FAAH2: variants seen among roughly 807,000 people sequenced by gnomAD.
FAAH2 encodes the protein fatty-acid amide hydrolase 2.
A neutral mutation model predicts 36.9 loss-of-function variants in FAAH2; 60 were observed. The observed-to-expected ratio is 1.63, with a 90% CI of 1.32 to 2.02. FAAH2 has a LOEUF of 2.02. FAAH2 is among the 30% of genes most tolerant of loss of function. The probability of loss-of-function intolerance (pLI) is 0.00; values close to 1 mark genes in which losing one functional copy is unlikely to be tolerated. For synonymous variants in FAAH2, 214 were observed against 143.8 expected, an observed-to-expected ratio of 1.49 and a Z score of -3.49; for missense variants, 689 against 397.5, an observed-to-expected ratio of 1.73 and a Z score of -6.23.
At chrX:57,411,337 C>T (rs1043037808) in intron 7 of FAAH2, among the ~76,000 whole-genome samples, 1 of 111,762 alleles carries the variant, frequency 8.9e-6, no homozygotes, top group Non-Finnish European at 1.9e-5. Flanking sequence ...TGTTAAGATT[C>T]TGACCTGATT....
intron 5 of FAAH2, among the ~76,000 whole-genome samples, chrX:57,353,487 T>TAAAAAAAAAAAAAAAAAAAAAAAA (rs3035714): frequency 1.2e-5 from 1 of 83,833 alleles, no homozygotes; most frequent in African/African-American, 4.3e-5. Context: ...CCCAAATTAT[T>TAAAAAAAAAAAAAAAAAAAAAAAA]AAAAAAAAAA....
chrX:57,130,163 A>G, the FAAH2 span, among the ~76,000 whole-genome samples: 2 of 112,394 alleles, frequency 1.8e-5, no homozygotes, highest in East Asian at 2.8e-4. Flanking sequence ...TTGAGAATGC[A>G]TGATCTAGCG....
the FAAH2 span, among the ~76,000 whole-genome samples, chrX:57,164,466 G>A: frequency 3.6e-5 from 4 of 111,820 alleles, no homozygotes; most frequent in African/African-American, 9.8e-5. Flanking sequence ...TTTGATGTGA[G>A]GGACATTTAA....
intron 10 of FAAH2, among the ~76,000 whole-genome samples, chrX:57,448,922 C>T: frequency 8.9e-6 from 1 of 111,848 alleles, no homozygotes; most frequent in East Asian, 2.8e-4. Flanking sequence ...CACAATAATC[C>T]TACAAGTGCA....
At chrX:57,395,005 A>G in intron 7 of FAAH2, 2 of 564,883 alleles carry the variant, frequency 3.5e-6, no homozygotes, top group Non-Finnish European at 6.5e-6. Context: ...CATTTAGGTC[A>G]CCTCTAGCAA....
chrX:57,270,576 T>C, the FAAH2 span, among the ~76,000 whole-genome samples: 1 of 111,549 alleles, frequency 9.0e-6, no homozygotes, highest in Non-Finnish European at 1.9e-5. Flanking sequence ...CTGTGTGCAG[T>C]TCCCAGCGAG....
intron 2 of FAAH2, among the ~76,000 whole-genome samples, 197 bp downstream of exon 2, chrX:57,292,777 C>T (rs944774688): frequency 2.7e-5 from 3 of 111,669 alleles, no homozygotes; most frequent in African/African-American, 9.8e-5. Context: ...GCATCCTCCT[C>T]CTATTAACTG....
the FAAH2 span, among the ~76,000 whole-genome samples, chrX:57,149,119 G>T: frequency 9.0e-6 from 1 of 111,642 alleles, no homozygotes; most frequent in Non-Finnish European, 1.9e-5. Context: ...ACTTGATCAT[G>T]GTGGATAAGC....
At chrX:57,286,492 G>A (rs1166644470), upstream of FAAH2, among the ~76,000 whole-genome samples, 1 of 111,240 alleles carries the variant, frequency 9.0e-6, no homozygotes, top group African/African-American at 3.3e-5. Context: ...AACTGACTAG[G>A]AGATATAGTG....
chrX:57,475,352 T>C (rs141870709), intron 10 of FAAH2, among the ~76,000 whole-genome samples: 134 of 112,219 alleles, frequency 1.2e-3, no homozygotes, highest in African/African-American at 4.1e-3. Context: ...CTTTAATTCA[T>C]ACTAAGTTAA....
rs984867702 is a variant in FAAH2 at position 57,342,371 on chromosome X, G to A, written c.742+981G>A. Among the ~76,000 whole-genome samples, 25 of 111,411 alleles carry A rather than the reference G, an allele frequency of 2.2e-4. 1 individual carries two copies. The Admixed American group carries it at 2.4e-3, about 11-fold the overall frequency. ...CAACAAACACTGGGGACCTTTCAGA[G>A]GGCAGAGGGTGGGAGGATGGTTAGG... On this transcript the variant is annotated intron_variant, in intron 5 of 10. Coordinates refer to ENST00000374900, the MANE Select transcript of FAAH2 (RefSeq NM_174912.4).
chrX:57,331,457 G>A (rs1477050393), intron 3 of FAAH2, 141 bp from the exon 4 acceptor site: 2 of 463,779 alleles, frequency 4.3e-6, no homozygotes, highest in African/African-American at 2.5e-5. Context: ...TCTGCTAGCA[G>A]TGTGCCAGTC....
At chrX:57,406,968 G>A (rs968250983) in intron 7 of FAAH2, among the ~76,000 whole-genome samples, 1 of 112,545 alleles carries the variant, frequency 8.9e-6, no homozygotes, top group Admixed American at 9.3e-5. Flanking sequence ...CTCTACATTT[G>A]TTGCCAGTCA....
chrX:57,302,472 G>T (rs1190752217), intron 2 of FAAH2, among the ~76,000 whole-genome samples: 1 of 111,459 alleles, frequency 9.0e-6, no homozygotes, highest in Non-Finnish European at 1.9e-5. Flanking sequence ...CTCCCAGTCT[G>T]GTGGTTGAAG....
At chrX:57,454,008 A>G (rs1203910594) in intron 10 of FAAH2, among the ~76,000 whole-genome samples, 1 of 111,119 alleles carries the variant, frequency 9.0e-6, no homozygotes, top group African/African-American at 3.3e-5. Flanking sequence ...GCATGGAACC[A>G]GTGATCGAAG....
chrX:57,438,411 A>C (rs1208521285), intron 8 of FAAH2, among the ~76,000 whole-genome samples: 3 of 107,151 alleles, frequency 2.8e-5, no homozygotes, highest in Non-Finnish European at 5.8e-5. Context: ...GTAAAACTAC[A>C]AAATGCTGAT....
chrX:57,241,446 AG>A, the FAAH2 span, among the ~76,000 whole-genome samples: 1 of 74,061 alleles, frequency 1.4e-5, no homozygotes, highest in African/African-American at 1.7e-4. Context: ...CAAAACTACA[AG>A]AAAAAAAAAC....
the FAAH2 span, among the ~76,000 whole-genome samples, chrX:57,255,098 C>T: frequency 9.0e-6 from 1 of 111,512 alleles, no homozygotes; most frequent in East Asian, 2.8e-4. Flanking sequence ...AGGGCTATCA[C>T]CACCGATCCC....
the FAAH2 span, among the ~76,000 whole-genome samples, chrX:57,277,996 G>A: frequency 0.21 from 23,210 of 110,636 alleles, 2,276 homozygotes; most frequent in Middle Eastern, 0.55. Context: ...TGGCCATACT[G>A]CACAAGATGA....
Sources: allele counts gnomAD v4.1 joint callset (sites outside exome capture counted in the v4.1 genomes callset), GRCh38; gene constraint gnomAD v4.1.1; transcripts MANE v1.5; gene names NCBI Gene and HGNC (gene_info 2026-07-23, HGNC 2026-07-21).